MDM2: variants seen among roughly 807,000 people sequenced by gnomAD.
The protein encoded by MDM2 is MDM2 proto-oncogene, also known as E3 ubiquitin-protein ligase Mdm2.
MDM2 carries 11 observed loss-of-function variants against 64.3 expected under a neutral mutation model. The ratio of observed to expected loss-of-function variants is 0.17; its 90% CI spans 0.11 to 0.28. The LOEUF is 0.28. Ranked by LOEUF, MDM2 falls within the 10% of genes least tolerant of loss-of-function variation. MDM2 has a pLI of 1.00. For missense variants in MDM2, 388 were observed against 577.1 expected, an observed-to-expected ratio of 0.67 and a Z score of 3.36; for synonymous variants, 194 against 192.9, an observed-to-expected ratio of 1.01 and a Z score of -0.05.
In MDM2 at chr12:68,816,917, G is replaced by A. The variant is rs2136121722; in HGVS notation, c.280G>A (p.Val94Met). The change falls in exon 4 of 11, where the codon GTG becomes ATG. Residue 94 changes from valine to methionine, a missense_variant. Val to Met is a conservative substitution (Grantham distance 21). Coordinates refer to ENST00000258149, the MANE Select transcript of MDM2 (RefSeq NM_002392.6). ...SNDLLGDLFG[V>M]PSFSVKEHRK... ...TGATCTTCTAGGAGATTTGTTTGGC[G>A]TGCCAAGCTTCTCTGTGAAAGAGCA... 6.2e-7 allele frequency: 1 copy of A among 1,612,494 alleles called. No homozygotes were observed. Among genetic ancestry groups the A allele is most frequent in the Non-Finnish European group, 8.5e-7 (1 of 1,179,594 alleles).
At chr12:68,832,071 A>AAAC (rs745409858) in intron 8 of MDM2, among the ~76,000 whole-genome samples, 2 of 152,314 alleles carry the variant, frequency 1.3e-5, no homozygotes, top group South Asian at 2.1e-4. Context: ...ATTCCATCTC[A>AAAC]AACAACAACA....
chr12:68,815,406 C>T (rs1881268170), intron 3 of MDM2, among the ~76,000 whole-genome samples: 1 of 147,140 alleles, frequency 6.8e-6, no homozygotes, highest in Non-Finnish European at 1.5e-5. Flanking sequence ...GATTAAGAGT[C>T]AGAAGAGCTG....
intron 8 of MDM2, among the ~76,000 whole-genome samples, chr12:68,833,309 A>ATATATGTATAT (rs1428704968): frequency 1.5e-5 from 1 of 66,786 alleles, no homozygotes; most frequent in African/African-American, 6.9e-5. Context: ...ATATAAATAT[A>ATATATGTATAT]AAAATATAAT....
At chr12:68,808,959 G>A in intron 1 of MDM2, 3 of 1,394,154 alleles carry the variant, frequency 2.2e-6, no homozygotes, top group East Asian at 2.6e-5. Context: ...TGCAGTAAAA[G>A]GAGTTAAGTC....
rs1470551216 is a variant in MDM2 at position 68,839,479 on chromosome 12, A to G, written c.1124A>G (p.Asp375Gly). The G allele has an allele frequency of 1.2e-6, 2 of 1,614,046 alleles. No homozygotes were observed. The highest frequency in any genetic ancestry group is 2.2e-5 in the South Asian group (2 of 91,084). Reference protein sequence around the residue: ...VPDCKKTIVNDSRESCVEEND... With the variant: ...VPDCKKTIVNGSRESCVEEND... The stretch of plus-strand genomic sequence containing the variant: ...GATTGTAAAAAAACTATAGTGAATG[A>G]TTCCAGAGAGTCATGTGTTGAGGAA... The change falls in exon 11 of 11, where the codon GAT (aspartate) becomes GGT (glycine). Residue 375 changes from aspartate to glycine, a missense_variant. Around this residue, in one of 5 missense-constraint regions of MDM2, gnomAD observed 138 missense variants for 143.7 expected, o/e 0.96. Coordinates refer to ENST00000258149, the MANE Select transcript of MDM2 (RefSeq NM_002392.6).
chr12:68,810,721 A>G (rs780622085), intron 2 of MDM2, among the ~76,000 whole-genome samples: 78 of 152,070 alleles, frequency 5.1e-4, no homozygotes, highest in Non-Finnish European at 9.6e-4. Context: ...TCGGCCTCCC[A>G]AAGTGCTGGG....
intron 8 of MDM2, among the ~76,000 whole-genome samples, chr12:68,834,176 C>T (rs1470888165): frequency 6.6e-6 from 1 of 152,158 alleles, no homozygotes. Context: ...GGCGAGGTGG[C>T]TCACAGGTGT....
At position 68,844,831 on chromosome 12, in the gene MDM2, A is replaced by G. The variant is rs985619129; in HGVS notation, c.*4982A>G. 2 of 201,272 alleles carry G rather than the reference A, an allele frequency of 9.9e-6. No homozygotes were observed. Among genetic ancestry groups the G allele is most frequent in the Non-Finnish European group, 2.0e-5 (2 of 97,884 alleles). 12.5% of individuals were successfully genotyped at this position (201,272 alleles called of 1,614,324 possible). A position where few individuals can be genotyped will look rare whatever the true frequency, so the allele number is the denominator to read the frequency against. The stretch of plus-strand genomic sequence containing the variant: ...GCTCAGGCTGGAGTACAGTGGTGCA[A>G]TCTTGGCTCACTGCAACCTCTGCCT... On this transcript the variant is annotated 3_prime_UTR_variant, in exon 11 of 11. Transcript: ENST00000258149.
chr12:68,829,073 AACT>A (rs1487138377), intron 8 of MDM2, 142 bp downstream of exon 8: 1 of 841,438 alleles, frequency 1.2e-6, no homozygotes, highest in East Asian at 2.6e-5. Flanking sequence ...TTTAAAATAA[AACT>A]ACTATATTGA....
intron 5 of MDM2, 34 bp downstream of exon 5, chr12:68,820,408 A>T: frequency 6.5e-7 from 1 of 1,533,958 alleles, no homozygotes; most frequent in Non-Finnish European, 8.9e-7. Context: ...GATAAATACC[A>T]TAAAAACGTT....
At chr12:68,831,229 C>T (rs1339782593) in intron 8 of MDM2, among the ~76,000 whole-genome samples, 1 of 152,070 alleles carries the variant, frequency 6.6e-6, no homozygotes, top group East Asian at 1.9e-4. Context: ...AGGGAGAAGG[C>T]AGAAGGAAGA....
chr12:68,812,648 C>T (rs1881006428), intron 2 of MDM2, among the ~76,000 whole-genome samples: 1 of 152,160 alleles, frequency 6.6e-6, no homozygotes, highest in African/African-American at 2.4e-5. Flanking sequence ...TGGAGTCTCT[C>T]AGTGTGGCCC....
chr12:68,835,730 C>A (rs569795510), intron 8 of MDM2, 99 bp from the exon 9 acceptor site: 267 of 1,203,796 alleles, frequency 2.2e-4, no homozygotes, highest in Middle Eastern at 1.2e-3. Flanking sequence ...AACTGTTACA[C>A]CCTGCTGGCA....
At chr12:68,808,936 C>G in intron 1 of MDM2, 1 of 1,376,322 alleles carries the variant, frequency 7.3e-7, no homozygotes, top group Non-Finnish European at 9.4e-7. Flanking sequence ...CAAGTTCAGA[C>G]ACGTTCCGAA....
At chr12:68,813,774 T>C in intron 3 of MDM2, 146 bp downstream of exon 3, 1 of 594,784 alleles carries the variant, frequency 1.7e-6, no homozygotes, top group East Asian at 2.8e-5. Flanking sequence ...TGGACTATAT[T>C]TTAAAGCTGA....
At chr12:68,839,185 T>C (rs1883544588) in intron 10 of MDM2, 89 bp from the exon 11 acceptor site, 2 of 1,210,622 alleles carry the variant, frequency 1.7e-6, no homozygotes, top group African/African-American at 1.5e-5. Flanking sequence ...TGATATACTT[T>C]ACCTTAGACA....
Position 68,843,143 on chromosome 12 carries a change from T to C in MDM2, c.*3294T>C. On this transcript the variant is annotated 3_prime_UTR_variant, in exon 11 of 11. Transcript: ENST00000258149. ...ATAATTTTGGAAAACAATGTATGGG[T>C]AGAACATGTGTCTGTTAATTGCACA... 4.5e-6 allele frequency: 1 copy of C among 223,850 alleles called. No individual in the cohort carries two copies. Among genetic ancestry groups the C allele is most frequent in the Non-Finnish European group, 8.9e-6 (1 of 112,284 alleles). The allele number at this position is 223,850 out of a possible 1,614,324, so 13.9% of individuals were successfully genotyped here.
At chr12:68,812,394 G>A (rs895923452) in intron 2 of MDM2, among the ~76,000 whole-genome samples, 4 of 152,206 alleles carry the variant, frequency 2.6e-5, no homozygotes, top group Admixed American at 2.6e-4. Flanking sequence ...TTAAAGAGAG[G>A]TGCAGAGGTA....
intron 8 of MDM2, among the ~76,000 whole-genome samples, chr12:68,835,386 TGAG>T (rs1435470718): frequency 2.0e-5 from 3 of 152,094 alleles, no homozygotes; most frequent in Admixed American, 2.0e-4. Flanking sequence ...CAAGATTAGT[TGAG>T]GAAGCAATCT....
Sources: allele counts gnomAD v4.1 joint callset (sites outside exome capture counted in the v4.1 genomes callset), GRCh38; gene constraint gnomAD v4.1.1; regional missense constraint gnomAD v4.1.1; transcripts MANE v1.5; gene names NCBI Gene and HGNC (gene_info 2026-07-23, HGNC 2026-07-21).